VIPR1: variants seen among roughly 807,000 people sequenced by gnomAD.
VIPR1 encodes the protein vasoactive intestinal polypeptide receptor 1.
In VIPR1, 59 loss-of-function variants were observed where a neutral mutation model predicts 58.8. The observed-to-expected ratio is 1.00, with a 90% CI of 0.81 to 1.25. VIPR1 has a LOEUF of 1.25. Among genes scored for constraint, VIPR1 ranks in the 50% most tolerant of loss-of-function variants. The pLI is 0.00. For synonymous variants in VIPR1, 251 were observed against 242.1 expected, an observed-to-expected ratio of 1.04 and a Z score of -0.34; for missense variants, 626 against 602.7, an observed-to-expected ratio of 1.04 and a Z score of -0.40.
At position 42,535,949 on chromosome 3, in the gene VIPR1, C is replaced by T. The variant is rs1701817494; in HGVS notation, c.1183-141C>T. 5 of 1,075,272 alleles carry T rather than the reference C, an allele frequency of 4.6e-6. No homozygotes were observed. In the South Asian group the frequency reaches 6.8e-5, roughly 15 times the overall value. 66.6% of individuals were successfully genotyped at this position (1,075,272 alleles called of 1,614,324 possible). A position where few individuals can be genotyped will look rare whatever the true frequency, so the allele number is the denominator to read the frequency against. The stretch of plus-strand genomic sequence containing the variant: ...AACCCAGTCCCAAGTTTGCACCGCC[C>T]GAGGCAGCATAGGGGTCCCTCCATT... On this transcript the variant is annotated intron_variant, in intron 12 of 12. Transcript: ENST00000325123.
At chr3:42,493,054 G>A (rs1358386666) in intron 1 of VIPR1, among the ~76,000 whole-genome samples, 2 of 152,258 alleles carry the variant, frequency 1.3e-5, no homozygotes, top group African/African-American at 2.4e-5. Context: ...TGCCAATCCG[G>A]TGTAATGAGA....
intron 1 of VIPR1, among the ~76,000 whole-genome samples, chr3:42,490,382 T>C (rs772512884): frequency 7.9e-5 from 12 of 152,296 alleles, no homozygotes; most frequent in Middle Eastern, 3.4e-3. Context: ...CAGGCAAGAA[T>C]AGGCCTAGGG....
intron 1 of VIPR1, among the ~76,000 whole-genome samples, chr3:42,496,400 T>A (rs1471991903): frequency 6.6e-6 from 1 of 152,264 alleles, no homozygotes; most frequent in Non-Finnish European, 1.5e-5. Context: ...TTGTTAACTC[T>A]ATAAAAGTAA....
intron 1 of VIPR1, chr3:42,512,218 CA>C (rs1471606426): frequency 1.2e-4 from 18 of 152,202 alleles, no homozygotes; most frequent in Admixed American, 8.5e-4. Context: ...TGGACGAGGT[CA>C]ACCATGGTGC....
intron 6 of VIPR1, chr3:42,529,801 C>G (rs1277885028): frequency 6.6e-6 from 1 of 152,204 alleles, no homozygotes; most frequent in Non-Finnish European, 1.5e-5. Flanking sequence ...GAATACCTTC[C>G]AGTCATGCCA....
At chr3:42,503,810 T>C (rs1260975594) in intron 1 of VIPR1, among the ~76,000 whole-genome samples, 1 of 152,166 alleles carries the variant, frequency 6.6e-6, no homozygotes, top group South Asian at 2.1e-4. Context: ...CTTTGAGTAA[T>C]CTAGAGTTGC....
intron 1 of VIPR1, among the ~76,000 whole-genome samples, chr3:42,491,555 C>A (rs1260103618): frequency 2.6e-5 from 4 of 152,114 alleles, no homozygotes; most frequent in African/African-American, 9.7e-5. Flanking sequence ...AGCTTTCTTT[C>A]TTTATTTTTT....
intron 2 of VIPR1, 59 bp downstream of exon 2, chr3:42,513,913 T>G (rs1283894652): frequency 6.6e-7 from 1 of 1,509,962 alleles, no homozygotes; most frequent in Non-Finnish European, 9.0e-7. Context: ...AGATTCCTCA[T>G]GTCTCAAGCT....
chr3:42,536,406 G>A lies in VIPR1; in HGVS notation c.*125G>A. 1.9e-6 allele frequency: 2 copies of A among 1,066,488 alleles called. No individual in the cohort carries two copies. Among genetic ancestry groups the A allele is most frequent in the East Asian group, 2.8e-5 (1 of 35,672 alleles). The allele number at this position is 1,066,488 out of a possible 1,614,324, so 66.1% of individuals were successfully genotyped here. ...GGCCCTGGGCTCGGAGGCTGCCCCC[G>A]GCCCCCTGGTCTCTGGTCCGGACAC... is the stretch of plus-strand genomic sequence containing the variant. On this transcript the variant is annotated 3_prime_UTR_variant, in exon 13 of 13. Transcript: ENST00000325123.
intron 2 of VIPR1, among the ~76,000 whole-genome samples, chr3:42,514,411 G>A (rs1385231852): frequency 1.3e-5 from 2 of 151,998 alleles, no homozygotes; most frequent in Non-Finnish European, 2.9e-5. Flanking sequence ...GAGCAAGAAG[G>A]GGCACAAGTT....
upstream of VIPR1, among the ~76,000 whole-genome samples, chr3:42,499,557 G>C (rs2125626292): frequency 6.6e-6 from 1 of 152,300 alleles, no homozygotes; most frequent in East Asian, 1.9e-4. Flanking sequence ...AGGGATCCCA[G>C]AGGGGAGACT....
chr3:42,530,593 A>G, intron 6 of VIPR1, 186 bp from the exon 7 acceptor site: 1 of 628,884 alleles, frequency 1.6e-6, no homozygotes, highest in Non-Finnish European at 2.7e-6. Flanking sequence ...ATCCCGAAGT[A>G]TCAGAGGATC....
At chr3:42,505,668 C>T (rs1405671538) in intron 1 of VIPR1, among the ~76,000 whole-genome samples, 1 of 152,234 alleles carries the variant, frequency 6.6e-6, no homozygotes, top group African/African-American at 2.4e-5. Flanking sequence ...TCCTGGTGCA[C>T]TAAGACTATG....
rs150560130 is a variant in VIPR1, at chr3:42,532,334, G to A, written c.1010+1G>A. ...GGAAGAGTGACAGCAGTCCATACTC[G>A]TGAGTGTGGGCCTAGTGCCTCAGCC... On this transcript the variant is annotated splice_donor_variant, in intron 10 of 12. Transcript: ENST00000325123. LOFTEE classifies it high-confidence loss of function. 1.1e-5 allele frequency: 17 copies of A among 1,613,294 alleles called. No individual in the cohort carries two copies. The East Asian group carries it at 2.2e-4, about 21-fold the overall frequency.
chr3:42,501,618 C>A (rs1400737580), upstream of VIPR1, among the ~76,000 whole-genome samples: 1 of 152,216 alleles, frequency 6.6e-6, no homozygotes, highest in Non-Finnish European at 1.5e-5. The surrounding 1 kb of genome is among the most constrained non-coding windows in gnomAD (Gnocchi z 4.8). Flanking sequence ...ATGCCAGGGA[C>A]GAATAAACGA....
upstream of VIPR1, chr3:42,501,785 GT>G (rs1699877812): frequency 6.6e-6 from 1 of 152,486 alleles, no homozygotes; most frequent in Admixed American, 6.5e-5. The surrounding 1 kb of genome is among the most constrained non-coding windows in gnomAD (Gnocchi z 4.8). Context: ...TCTGTGGATC[GT>G]TTTAGGTCAG....
chr3:42,522,668 T>C (rs1199675136), intron 3 of VIPR1, among the ~76,000 whole-genome samples: 1 of 152,126 alleles, frequency 6.6e-6, no homozygotes, highest in Non-Finnish European at 1.5e-5. Context: ...GGTGTTAGCA[T>C]GATCCTTCCA....
intron 1 of VIPR1, among the ~76,000 whole-genome samples, chr3:42,490,919 A>G (rs1431690896): frequency 1.3e-5 from 2 of 152,202 alleles, no homozygotes; most frequent in Non-Finnish European, 2.9e-5. Flanking sequence ...GCAGAAGACC[A>G]GAAGAGAGGT....
chr3:42,508,274 A>G (rs886718970), intron 1 of VIPR1, among the ~76,000 whole-genome samples: 16 of 152,152 alleles, frequency 1.1e-4, no homozygotes, highest in African/African-American at 3.9e-4. Flanking sequence ...CTCAACCCCA[A>G]TTCTAGAAGT....
Sources: allele counts gnomAD v4.1 joint callset (sites outside exome capture counted in the v4.1 genomes callset), GRCh38; gene constraint gnomAD v4.1.1; non-coding constraint Gnocchi (gnomAD v3.1); transcripts MANE v1.5; gene names NCBI Gene and HGNC (gene_info 2026-07-23, HGNC 2026-07-21).